GHR: variants seen among roughly 807,000 people sequenced by gnomAD.
The protein encoded by GHR is growth hormone receptor, also known as GH receptor.
A neutral mutation model predicts 67.1 loss-of-function variants in GHR; 35 were observed. That is an observed-to-expected ratio of 0.52 (90% confidence interval 0.40 to 0.69). GHR has a LOEUF of 0.69. Among genes scored for constraint, GHR ranks in the 30% least tolerant of loss-of-function variants. The pLI, the probability that GHR is intolerant of heterozygous loss-of-function variation, is 0.00. For synonymous variants in GHR, 272 were observed against 269.1 expected (o/e 1.01, Z -0.10); for missense variants, 792 against 764.6 (o/e 1.04, Z -0.42).
intron 3 of GHR, among the ~76,000 whole-genome samples, chr5:42,673,555 A>C (rs1756424197): frequency 6.6e-6 from 1 of 152,234 alleles, no homozygotes; most frequent in African/African-American, 2.4e-5. Flanking sequence ...GGATTAAAAA[A>C]TGTGGTACAT....
intron 1 of GHR, among the ~76,000 whole-genome samples, chr5:42,550,683 G>C (rs1483077253): frequency 6.6e-6 from 1 of 152,092 alleles, no homozygotes; most frequent in Non-Finnish European, 1.5e-5. Context: ...AAGTAGAGAG[G>C]AGTTTGAATG....
At chr5:42,539,939 T>C (rs1404347896) in intron 1 of GHR, among the ~76,000 whole-genome samples, 2 of 152,218 alleles carry the variant, frequency 1.3e-5, no homozygotes, top group African/African-American at 4.8e-5. Flanking sequence ...TATTAAGTAC[T>C]GTATAGGTTT....
At chr5:42,435,394 G>T (rs1743279956) in intron 1 of GHR, among the ~76,000 whole-genome samples, 1 of 152,186 alleles carries the variant, frequency 6.6e-6, no homozygotes, top group South Asian at 2.1e-4. Context: ...AATAATAAAA[G>T]CCATTCCTGG....
chr5:42,611,867 T>C (rs1034084322), intron 2 of GHR, among the ~76,000 whole-genome samples: 1 of 152,156 alleles, frequency 6.6e-6, no homozygotes, highest in Admixed American at 6.5e-5. Context: ...ATCATTGGAC[T>C]CTCAACCAAT....
rs184567432 is a variant in GHR, at chr5:42,584,172, A to G, written c.70+18228A>G. Among the ~76,000 whole-genome samples the G allele has an allele frequency of 9.3e-4, 142 of 152,292 alleles. 1 individual carries two copies. Among genetic ancestry groups the G allele is most frequent in the African/African-American group, 3.4e-3 (141 of 41,562 alleles). ...TTTTTAATGTGCTTCTTTGGTGTTTAGTGATTATTTAGTCTTCCGTGAAGT... is the reference window on the plus strand; with the variant it reads ...TTTTTAATGTGCTTCTTTGGTGTTTGGTGATTATTTAGTCTTCCGTGAAGT... On this transcript the variant is annotated intron_variant, in intron 2 of 9. Coordinates refer to ENST00000230882, the MANE Select transcript of GHR (RefSeq NM_000163.5).
intron 1 of GHR, among the ~76,000 whole-genome samples, chr5:42,509,974 A>G (rs1304150761): frequency 2.0e-5 from 3 of 152,240 alleles, no homozygotes; most frequent in African/African-American, 7.2e-5. Flanking sequence ...AATTCTAGAC[A>G]TTTCTATTCA....
rs570673004 is a variant in GHR at position 42,565,461 on chromosome 5, C to G, written c.-11-403C>G. The G allele has an allele frequency of 7.1e-6, 7 of 984,854 alleles. No homozygotes were observed. The East Asian group carries it at 6.8e-4, about 96-fold the overall frequency. 61.0% of individuals were successfully genotyped at this position (984,854 alleles called of 1,614,324 possible). On this transcript the variant is annotated intron_variant, in intron 1 of 9. Coordinates refer to ENST00000230882, the MANE Select transcript of GHR (RefSeq NM_000163.5). ...GATTGTTATGTTTTTCCTTTTATGG[C>G]CTGTCCAGCTCAAGGCCCCATGCTT... is the stretch of plus-strand genomic sequence containing the variant.
intron 3 of GHR, among the ~76,000 whole-genome samples, chr5:42,663,355 A>G (rs375470341): frequency 1.3e-4 from 20 of 150,356 alleles, no homozygotes; most frequent in African/African-American, 1.5e-4. Flanking sequence ...GTAAAATACT[A>G]GCAAACCGAA....
chr5:42,518,364 A>G (rs1579856999), intron 1 of GHR, among the ~76,000 whole-genome samples: 1 of 151,952 alleles, frequency 6.6e-6, no homozygotes, highest in South Asian at 2.1e-4. Context: ...GGGAAAACAT[A>G]TGCTTAGGAA....
In GHR at chr5:42,699,832, G is replaced by A; in HGVS notation, c.448G>A (p.Asp150Asn). The A allele has an allele frequency of 1.2e-6, 2 of 1,607,938 alleles. No homozygotes were observed. Among genetic ancestry groups the A allele is most frequent in the South Asian group, 1.1e-5 (1 of 90,958 alleles). The change falls in exon 6 of 10, where the codon GAT (aspartate) becomes AAT (asparagine). Residue 150 changes from aspartate to asparagine, a missense_variant. Transcript: ENST00000230882. ...TCTGTTGAATTGCACAGTGCAACCA[G>A]ATCCACCCATTGCCCTCAACTGGAC... ...CFSVDEIVQPDPPIALNWTLL... is the reference protein window; with the variant it reads ...CFSVDEIVQPNPPIALNWTLL...
chr5:42,585,806 G>C (rs1030764682), intron 2 of GHR, among the ~76,000 whole-genome samples: 8 of 152,122 alleles, frequency 5.3e-5, no homozygotes, highest in Non-Finnish European at 1.2e-4. Flanking sequence ...TTGAGAAGGG[G>C]AAGAATATCT....
chr5:42,476,053 A>C (rs1271307798), intron 1 of GHR, among the ~76,000 whole-genome samples: 9 of 150,178 alleles, frequency 6.0e-5, no homozygotes, highest in African/African-American at 1.2e-4. Flanking sequence ...TACAGGCGCC[A>C]ACCACCATGC....
chr5:42,661,213 A>G (rs1419941884), intron 3 of GHR, among the ~76,000 whole-genome samples: 4 of 152,256 alleles, frequency 2.6e-5, no homozygotes, highest in African/African-American at 4.8e-5. Context: ...TCCCCAATCT[A>G]GCAAGGCAGG....
At chr5:42,718,358 T>A in intron 9 of GHR, 95 bp from the exon 10 acceptor site, 1 of 973,564 alleles carries the variant, frequency 1.0e-6, no homozygotes, top group East Asian at 2.4e-5. Context: ...GTTGTTCTTA[T>A]TGTAACCATA....
At position 42,446,438 on chromosome 5, in the gene GHR, C is replaced by T. The variant is rs368286881; in HGVS notation, c.-12+22483C>T. Among the ~76,000 whole-genome samples, 19 of 152,230 alleles carry T rather than the reference C, an allele frequency of 1.2e-4. No individual in the cohort carries two copies. In the South Asian group the frequency reaches 2.3e-3, roughly 18 times the overall value. On this transcript the variant is annotated intron_variant, in intron 1 of 9. Coordinates refer to ENST00000230882, the MANE Select transcript of GHR (RefSeq NM_000163.5). ...TAAAGTGGCTAGATCAGAGAATGTT[C>T]GAGGGCAGGTGAAGGGAAAAGTAGG...
chr5:42,522,343 T>C (rs1747514068), intron 1 of GHR, among the ~76,000 whole-genome samples: 1 of 152,222 alleles, frequency 6.6e-6, no homozygotes, highest in Admixed American at 6.5e-5. Context: ...TGGCATTTTC[T>C]GTTTTTAGCA....
At chr5:42,533,466 G>T (rs894422985) in intron 1 of GHR, among the ~76,000 whole-genome samples, 4 of 151,622 alleles carry the variant, frequency 2.6e-5, no homozygotes, top group Non-Finnish European at 1.5e-5. Flanking sequence ...TTTTAATTTT[G>T]ATATAGTTAA....
intron 2 of GHR, among the ~76,000 whole-genome samples, chr5:42,576,127 AT>A (rs1256934121): frequency 3.9e-4 from 40 of 101,694 alleles, no homozygotes; most frequent in African/African-American, 1.4e-3. Flanking sequence ...ATAAAATAAA[AT>A]AAAATAAAAT....
intron 1 of GHR, chr5:42,467,329 T>A (rs1744774582): frequency 3.7e-6 from 4 of 1,080,134 alleles, no homozygotes; most frequent in Non-Finnish European, 5.8e-6. Context: ...GCTTCGCTGA[T>A]GTACAATAAG....
Sources: gnomAD v4.1 joint callset for allele counts (sites outside exome capture counted in the v4.1 genomes callset) on GRCh38, gnomAD v4.1.1 for gene constraint, MANE v1.5 for transcripts, NCBI Gene and HGNC (gene_info 2026-07-23, HGNC 2026-07-21) for gene names.